PELI2: variants seen among roughly 807,000 people sequenced by gnomAD.
PELI2 encodes the protein pellino E3 ubiquitin protein ligase family member 2, also known as E3 ubiquitin-protein ligase pellino homolog 2.
In PELI2, 23 loss-of-function variants were observed where a neutral mutation model predicts 42.3. That is an observed-to-expected ratio of 0.54 (90% CI 0.39 to 0.77). The LOEUF (loss-of-function observed/expected upper bound fraction) is 0.77, where lower values mean the gene tolerates loss of function less well. Among genes scored for constraint, PELI2 ranks in the 30% least tolerant of loss-of-function variants. The probability of loss-of-function intolerance (pLI) is 0.00; values close to 1 mark genes in which losing one functional copy is unlikely to be tolerated. For missense variants in PELI2, 463 were observed against 553.2 expected (o/e 0.84, Z 1.64); for synonymous variants, 245 against 212.2 (o/e 1.15, Z -1.34).
rs1261857211 is a variant in PELI2 at position 56,279,725 on chromosome 14, A to G, written c.257A>G (p.Asn86Ser). ...AGTATATCCTACACTTTGTCAAGGA[A>G]TCAGACTGTGGTGGTGGAGTACACA... ...QHSISYTLSRNQTVVVEYTHD... is the reference protein window; with the variant it reads ...QHSISYTLSRSQTVVVEYTHD... Residue 86 changes from asparagine to serine, a missense_variant, in exon 3 of 6, where the codon AAT becomes AGT. By Grantham distance (46) the Asn-to-Ser change is conservative (BLOSUM62 1). Around this residue, in one of 3 missense-constraint regions of PELI2, gnomAD observed 343 missense variants for 378.4 expected, o/e 0.91. Coordinates refer to ENST00000267460, the MANE Select transcript of PELI2 (RefSeq NM_021255.3). 3 of 1,606,212 alleles carry G rather than the reference A, an allele frequency of 1.9e-6. No homozygotes were observed. The highest frequency in any genetic ancestry group is 1.7e-5 in the Admixed American group (1 of 59,966).
At chr14:56,282,151 C>A (rs1012770633) in intron 3 of PELI2, among the ~76,000 whole-genome samples, 10 of 152,182 alleles carry the variant, frequency 6.6e-5, no homozygotes, top group African/African-American at 2.4e-4. Context: ...TTGGAAACAA[C>A]CTAAATGTTC....
chr14:56,135,393 A>T lies in PELI2; in HGVS notation c.77+16656A>T, dbSNP rs565184838. On this transcript the variant is annotated intron_variant, in intron 1 of 5. Transcript: ENST00000267460. ...TGGCCGATTATTTTTTGCCTTGTAG[A>T]TTTTCTTAATGGTGTGTAATGGGCG... is the stretch of plus-strand genomic sequence containing the variant. Among the ~76,000 whole-genome samples the T allele has an allele frequency of 6.6e-5, 10 of 152,278 alleles. No homozygotes were observed. In the East Asian group the frequency reaches 1.9e-3, roughly 29 times the overall value.
chr14:56,253,060 T>C (rs1260926877), intron 2 of PELI2, among the ~76,000 whole-genome samples: 1 of 152,186 alleles, frequency 6.6e-6, no homozygotes. Flanking sequence ...TGCAAATCAA[T>C]AAACGTAATC....
At chr14:56,281,502 AGGC>A (rs1889480567) in intron 3 of PELI2, among the ~76,000 whole-genome samples, 1 of 152,154 alleles carries the variant, frequency 6.6e-6, no homozygotes, top group Admixed American at 6.5e-5. Context: ...TGTAAAGTAC[AGGC>A]CTAATCTGGA....
chr14:56,120,122 TC>T (rs1314267963), intron 1 of PELI2, among the ~76,000 whole-genome samples: 1 of 152,196 alleles, frequency 6.6e-6, no homozygotes, highest in African/African-American at 2.4e-5. Flanking sequence ...TAAGTGTTTT[TC>T]TCACCTACAT....
intron 1 of PELI2, among the ~76,000 whole-genome samples, chr14:56,169,719 G>T (rs899920606): frequency 6.6e-6 from 1 of 152,190 alleles, no homozygotes; most frequent in Non-Finnish European, 1.5e-5. Context: ...TGTTAACTTG[G>T]TGTCCTTGTG....
At chr14:56,246,834 A>C (rs1319197038) in intron 2 of PELI2, among the ~76,000 whole-genome samples, 1 of 152,182 alleles carries the variant, frequency 6.6e-6, no homozygotes, top group Non-Finnish European at 1.5e-5. Context: ...TATATTGTGC[A>C]ATTTTTCTCA....
intron 1 of PELI2, among the ~76,000 whole-genome samples, chr14:56,176,244 T>C (rs528919045): frequency 5.2e-4 from 79 of 152,274 alleles, no homozygotes; most frequent in African/African-American, 1.9e-3. Context: ...GCTGCACTCT[T>C]ACGAGGCTGA....
chr14:56,253,935 C>A (rs1213082051), intron 2 of PELI2, among the ~76,000 whole-genome samples: 1 of 152,200 alleles, frequency 6.6e-6, no homozygotes, highest in Non-Finnish European at 1.5e-5. Flanking sequence ...CACTACCTGA[C>A]TTCAAACTAT....
intron 2 of PELI2, among the ~76,000 whole-genome samples, chr14:56,261,495 C>T (rs934921690): frequency 6.6e-6 from 1 of 152,188 alleles, no homozygotes; most frequent in Non-Finnish European, 1.5e-5. Context: ...GATTTCCAAT[C>T]CTATGGTCTC....
chr14:56,218,690 C>T (rs984297487), intron 2 of PELI2, among the ~76,000 whole-genome samples: 9 of 151,980 alleles, frequency 5.9e-5, no homozygotes, highest in African/African-American at 1.5e-4. Context: ...TGTGCATGCA[C>T]GCACATGTGT....
At chr14:56,217,751 C>T (rs571397848) in intron 2 of PELI2, among the ~76,000 whole-genome samples, 1 of 152,288 alleles carries the variant, frequency 6.6e-6, no homozygotes, top group South Asian at 2.1e-4. Context: ...TTTTGACAGT[C>T]ATCTCTCTGT....
chr14:56,281,943 C>G (rs1466095080), intron 3 of PELI2, among the ~76,000 whole-genome samples: 1 of 152,154 alleles, frequency 6.6e-6, no homozygotes, highest in Non-Finnish European at 1.5e-5. Flanking sequence ...ATCCTACATT[C>G]TATAAATTGG....
At chr14:56,235,889 G>A (rs1431123754) in intron 2 of PELI2, among the ~76,000 whole-genome samples, 3 of 152,158 alleles carry the variant, frequency 2.0e-5, no homozygotes, top group Admixed American at 1.3e-4. Context: ...AACCTAGCTG[G>A]TGAGGTTAGA....
intron 2 of PELI2, among the ~76,000 whole-genome samples, chr14:56,179,071 A>G (rs1400181852): frequency 2.0e-5 from 3 of 152,182 alleles, no homozygotes; most frequent in East Asian, 3.8e-4. Flanking sequence ...ATAAAATGCT[A>G]ATTAAAAAAA....
At chr14:56,156,313 G>T (rs1408525315) in intron 1 of PELI2, among the ~76,000 whole-genome samples, 1 of 151,952 alleles carries the variant, frequency 6.6e-6, no homozygotes, top group East Asian at 1.9e-4. Flanking sequence ...TATATTTTTT[G>T]ATGCTGAAAT....
intron 2 of PELI2, among the ~76,000 whole-genome samples, chr14:56,240,459 A>G (rs1887932917): frequency 6.6e-6 from 1 of 152,156 alleles, no homozygotes; most frequent in Non-Finnish European, 1.5e-5. Flanking sequence ...TGTGTTAGTG[A>G]TGTTAGCAAG....
At position 56,293,876 on chromosome 14, in the gene PELI2, G is replaced by A. The variant is rs1889915021; in HGVS notation, c.697-2724G>A. Among the ~76,000 whole-genome samples the A allele has an allele frequency of 3.9e-5, 6 of 152,228 alleles. No homozygotes were observed. The South Asian group carries it at 1.2e-3, about 32-fold the overall frequency. ...AGGAGGAAAGGGGGGTTGTTCCACA[G>A]CCAGAGGCTAGGCCACCACCATACC... On this transcript the variant is annotated intron_variant, in intron 5 of 5. Coordinates refer to ENST00000267460, the MANE Select transcript of PELI2 (RefSeq NM_021255.3).
intron 2 of PELI2, among the ~76,000 whole-genome samples, chr14:56,265,525 A>G (rs951286498): frequency 3.3e-5 from 5 of 152,262 alleles, no homozygotes; most frequent in Admixed American, 2.6e-4. Flanking sequence ...TAGAAGAAAA[A>G]TCTTTGCAAT....
Sources: gnomAD v4.1 joint callset for allele counts (sites outside exome capture counted in the v4.1 genomes callset) on GRCh38, gnomAD v4.1.1 for gene constraint, gnomAD v4.1.1 regional missense constraint, MANE v1.5 for transcripts, NCBI Gene and HGNC (gene_info 2026-07-23, HGNC 2026-07-21) for gene names.